The following TMEM63B variants were observed in gnomAD, a reference collection of about 807,000 sequenced individuals.
TMEM63B encodes transmembrane protein 63B, also known as mechanosensitive cation channel TMEM63B.
A neutral mutation model predicts 102.6 loss-of-function variants in TMEM63B; 23 were observed. The observed-to-expected ratio is 0.22, with a 90% confidence interval of 0.16 to 0.32. TMEM63B has a LOEUF of 0.32. Ranked by LOEUF, TMEM63B falls within the 10% of genes least tolerant of loss-of-function variation. The pLI is 1.00. For missense variants in TMEM63B, 628 were observed against 1,095.9 expected, an observed-to-expected ratio of 0.57 and a Z score of 6.03; for synonymous variants, 444 against 437.0, an observed-to-expected ratio of 1.02 and a Z score of -0.20.
chr6:44,129,365 C>CAAAAAAAAAAAAAAAAGAAAAA, intron 1 of TMEM63B, among the ~76,000 whole-genome samples: 1 of 103,156 alleles, frequency 9.7e-6, no homozygotes, highest in Non-Finnish European at 2.0e-5. Context: ...AAGACTGTCT[C>CAAAAAAAAAAAAAAAAGAAAAA]AAAAAAAAAA....
At chr6:44,129,014 G>C (rs930298766) in intron 1 of TMEM63B, among the ~76,000 whole-genome samples, 1 of 152,198 alleles carries the variant, frequency 6.6e-6, no homozygotes, top group South Asian at 2.1e-4. Flanking sequence ...AGAGACCTGC[G>C]TTCAAATTCT....
chr6:44,148,983 C>G lies in TMEM63B; in HGVS notation c.1413+38C>G. 6.2e-7 allele frequency: 1 copy of G among 1,613,808 alleles called. No homozygotes were observed. Among genetic ancestry groups the G allele is most frequent in the Non-Finnish European group, 8.5e-7 (1 of 1,179,970 alleles). On this transcript the variant is annotated intron_variant, in intron 15 of 23. Transcript: ENST00000323267. The surrounding 1 kb of genome is among the most constrained non-coding windows in gnomAD (Gnocchi z 5.1). Reference sequence around the variant, plus strand: ...GCCCCTGTCACTTTCCACGCTGGGTCACAACACACAGATACCAGGCCCTGA... The same window carrying G: ...GCCCCTGTCACTTTCCACGCTGGGTGACAACACACAGATACCAGGCCCTGA...
In TMEM63B at chr6:44,150,325, A is replaced by T; in HGVS notation, c.1607+15A>T. 1.2e-6 allele frequency: 2 copies of T among 1,611,868 alleles called. No individual in the cohort carries two copies. The highest frequency in any genetic ancestry group is 1.7e-6 in the Non-Finnish European group (2 of 1,178,098). ...GGACTGAGCAGGTGAGTTGAGAAGG[A>T]TGGGGCAGGAGCCAGGGTAGGGGGA... On this transcript the variant is annotated intron_variant, in intron 17 of 23. Coordinates refer to ENST00000323267, the MANE Select transcript of TMEM63B (RefSeq NM_018426.3). This position sits in a 1 kb window ranked among gnomAD's most constrained non-coding sequence, Gnocchi z 4.7.
upstream of TMEM63B, chr6:44,126,781 T>G (rs1292390655): frequency 2.6e-5 from 4 of 152,190 alleles, no homozygotes; most frequent in Non-Finnish European, 4.4e-5. Flanking sequence ...TCTCAGTCTC[T>G]CCCTTCATCT....
rs144046285 is a variant in TMEM63B at position 44,144,735 on chromosome 6, T to C, written c.783-2112T>C. The stretch of plus-strand genomic sequence containing the variant: ...CCTCAGACTCCCGAGTAGCTGGAAC[T>C]ACAGGCACTCACCACCACACCTGGC... On this transcript the variant is annotated intron_variant, in intron 10 of 23. Transcript: ENST00000323267. 3.2e-3 allele frequency among the ~76,000 whole-genome samples: 494 copies of C among 152,102 alleles called. 2 individuals carry two copies. Among genetic ancestry groups the C allele is most frequent in the African/African-American group, 0.011 (473 of 41,494 alleles).
intron 12 of TMEM63B, among the ~76,000 whole-genome samples, chr6:44,147,918 T>C (rs1293687153): frequency 6.6e-6 from 1 of 151,978 alleles, no homozygotes; most frequent in East Asian, 1.9e-4. Context: ...GAGCCAGGAG[T>C]TTGAGACCAG....
intron 5 of TMEM63B, 114 bp downstream of exon 5, chr6:44,136,553 C>T (rs1028863769): frequency 4.0e-6 from 3 of 749,054 alleles, no homozygotes; most frequent in Admixed American, 4.2e-5. Flanking sequence ...TTGGCCTCCT[C>T]CTCAGCAAAG....
At chr6:44,146,181 A>G (rs1765334451) in intron 10 of TMEM63B, among the ~76,000 whole-genome samples, 1 of 152,166 alleles carries the variant, frequency 6.6e-6, no homozygotes, top group African/African-American at 2.4e-5. Flanking sequence ...TTAAGGAATT[A>G]TATAGCCTAT....
intron 1 of TMEM63B, among the ~76,000 whole-genome samples, chr6:44,130,763 T>TC (rs397756044): frequency 1.6e-4 from 24 of 149,386 alleles, no homozygotes; most frequent in South Asian, 4.3e-4. Flanking sequence ...TTTTTTTTTT[T>TC]CCCCTCGAGA....
Position 44,148,738 on chromosome 6 carries a change from T to G in TMEM63B, c.1260-54T>G. On this transcript the variant is annotated intron_variant, in intron 14 of 23. Transcript: ENST00000323267. The surrounding 1 kb of genome is among the most constrained non-coding windows in gnomAD (Gnocchi z 5.1). ...AGGAGAGGGAGTGTCTTGGTGTCAC[T>G]GGGGGCCAATCCTGCCCTTGGTTCC... The G allele has an allele frequency of 6.2e-7, 1 of 1,611,426 alleles. No homozygotes were observed. Among genetic ancestry groups the G allele is most frequent in the Non-Finnish European group, 8.5e-7 (1 of 1,177,868 alleles).
intron 22 of TMEM63B, 32 bp downstream of exon 22, chr6:44,154,220 CG>C: frequency 6.2e-7 from 1 of 1,607,178 alleles, no homozygotes; most frequent in Non-Finnish European, 8.5e-7. Context: ...CGGATGGCTG[CG>C]GGCAGGAGCT....
intron 20 of TMEM63B, 69 bp from the exon 21 acceptor site, chr6:44,153,607 C>G: frequency 6.4e-7 from 1 of 1,555,836 alleles, no homozygotes; most frequent in South Asian, 1.2e-5. Context: ...ACCAGAACAA[C>G]CTGTGACAGA....
At chr6:44,131,589 T>C (rs1778290139) in intron 1 of TMEM63B, among the ~76,000 whole-genome samples, 1 of 152,000 alleles carries the variant, frequency 6.6e-6, no homozygotes, top group Admixed American at 6.6e-5. Flanking sequence ...CGTGGTGGCA[T>C]GTGTCTGTAG....
Position 44,138,595 on chromosome 6 carries a change from A to C in TMEM63B, c.407+78A>C. The C allele has an allele frequency of 1.9e-6, 3 of 1,578,904 alleles. No homozygotes were observed. In the South Asian group the frequency reaches 3.3e-5, roughly 17 times the overall value. ...CATCTCCCTACAAAATTCAGAAGCC[A>C]GCAGCTTTCAGGGCCTTAGCACTCC... On this transcript the variant is annotated intron_variant, in intron 6 of 23. Coordinates refer to ENST00000323267, the MANE Select transcript of TMEM63B (RefSeq NM_018426.3).
In TMEM63B at chr6:44,149,969, A is replaced by G. The variant is rs1034777248; in HGVS notation, c.1520+4A>G. On this transcript the variant is annotated splice_donor_region_variant and intron_variant, in intron 16 of 23. Coordinates refer to ENST00000323267, the MANE Select transcript of TMEM63B (RefSeq NM_018426.3). ...TCTTTGAAGCCCACTGGACACGGTA[A>G]GGTGCCTCCACTCACACCACACCTC... 6.2e-7 allele frequency: 1 copy of G among 1,611,870 alleles called. No individual in the cohort carries two copies. The highest frequency in any genetic ancestry group is 1.3e-5 in the African/African-American group (1 of 74,890).
rs1185367112 is a variant in TMEM63B at position 44,153,706 on chromosome 6, T to C, written c.1973T>C (p.Val658Ala). ...ATGTACATGCTGCTGAAGCACCTGG[T>C]AGACAGGTACAATCTCTACTACGCC... is the stretch of plus-strand genomic sequence containing the variant. The part of the protein sequence containing the change: ...GLMYMLLKHL[V>A]DRYNLYYAYL... Residue 658 changes from valine (V) to alanine (A), a missense_variant, in exon 21 of 24, where the codon GTA (valine) becomes GCA (alanine). This residue lies in a region of TMEM63B where 90 missense variants were observed against 136.7 expected (regional missense o/e 0.66). Transcript: ENST00000323267. The C allele has an allele frequency of 1.2e-6, 2 of 1,613,916 alleles. No individual in the cohort carries two copies. The highest frequency in any genetic ancestry group is 2.2e-5 in the East Asian group (1 of 44,890).
chr6:44,127,947 A>T (rs1296159436), intron 1 of TMEM63B: 3 of 148,430 alleles, frequency 2.0e-5, no homozygotes, highest in Non-Finnish European at 4.5e-5. Flanking sequence ...AAAGGGTGGG[A>T]CCCCCGCCCC....
At position 44,148,768 on chromosome 6, in the gene TMEM63B, C is replaced by G; in HGVS notation, c.1260-24C>G. The G allele has an allele frequency of 1.2e-6, 2 of 1,614,026 alleles. No homozygotes were observed. Among genetic ancestry groups the G allele is most frequent in the Non-Finnish European group, 1.7e-6 (2 of 1,179,964 alleles). ...GCCAATCCTGCCCTTGGTTCCTGGA[C>G]TGACCGGTTCCCCACCTTGCCAGGG... On this transcript the variant is annotated intron_variant, in intron 14 of 23. Transcript: ENST00000323267. This position sits in a 1 kb window ranked among gnomAD's most constrained non-coding sequence, Gnocchi z 5.1.
chr6:44,134,228 A>G (rs1437695933), intron 1 of TMEM63B, among the ~76,000 whole-genome samples: 4 of 152,072 alleles, frequency 2.6e-5, no homozygotes, highest in African/African-American at 9.7e-5. Flanking sequence ...AGAGAGAATG[A>G]GAGTGTGGGG....
Sources: allele counts gnomAD v4.1 joint callset (sites outside exome capture counted in the v4.1 genomes callset), GRCh38; gene constraint gnomAD v4.1.1; regional missense constraint gnomAD v4.1.1; non-coding constraint Gnocchi (gnomAD v3.1); transcripts MANE v1.5; gene names NCBI Gene and HGNC (gene_info 2026-07-23, HGNC 2026-07-21).